The following AKAP7 variants were observed in gnomAD, a reference collection of about 807,000 sequenced individuals.
AKAP7 encodes A kinase (PRKA) anchor protein 7.
Under a neutral mutation model 39.5 loss-of-function variants are expected in AKAP7, and 39 were observed. That is an observed-to-expected ratio of 0.99 (90% CI 0.76 to 1.29). The LOEUF (loss-of-function observed/expected upper bound fraction) is 1.29, where lower values mean the gene tolerates loss of function less well. Among genes scored for constraint, AKAP7 ranks in the 50% most tolerant of loss-of-function variants. AKAP7 has a pLI of 0.00. For missense variants in AKAP7, 414 were observed against 407.7 expected, an observed-to-expected ratio of 1.02 and a Z score of -0.13; for synonymous variants, 140 against 139.1, an observed-to-expected ratio of 1.01 and a Z score of -0.05.
chr6:131,275,146 A>G (rs954448776), intron 7 of AKAP7, among the ~76,000 whole-genome samples: 1 of 152,210 alleles, frequency 6.6e-6, no homozygotes, highest in Non-Finnish European at 1.5e-5. Context: ...ATAAACAAAT[A>G]ATTGGCATTT....
chr6:131,183,736 A>G lies in AKAP7; in HGVS notation c.589+14463A>G, dbSNP rs574987651. Among the ~76,000 whole-genome samples the G allele has an allele frequency of 8.9e-4, 136 of 152,224 alleles. 1 individual carries two copies. Among genetic ancestry groups the G allele is most frequent in the African/African-American group, 3.1e-3 (129 of 41,540 alleles). ...TGGACTGGGACAGGGCAGAGCCAGG[A>G]GGGTGACCGAGAACATCCTGACTCC... On this transcript the variant is annotated intron_variant, in intron 5 of 7. Coordinates refer to ENST00000431975, the MANE Select transcript of AKAP7 (RefSeq NM_016377.4).
At chr6:131,167,914 G>A (rs1047006367) in intron 4 of AKAP7, among the ~76,000 whole-genome samples, 2 of 152,110 alleles carry the variant, frequency 1.3e-5, no homozygotes, top group African/African-American at 2.4e-5. Flanking sequence ...TAAACGAATA[G>A]CAATCCACTG....
intron 5 of AKAP7, among the ~76,000 whole-genome samples, chr6:131,169,897 A>C (rs1218849987): frequency 6.6e-6 from 1 of 151,630 alleles, no homozygotes; most frequent in Non-Finnish European, 1.5e-5. Context: ...ACACACTTGC[A>C]TTATTGGTCT....
chr6:131,271,447 TC>T (rs1265202877), intron 7 of AKAP7, among the ~76,000 whole-genome samples: 2 of 152,310 alleles, frequency 1.3e-5, no homozygotes, highest in South Asian at 4.1e-4. Flanking sequence ...TGTCTCTCTT[TC>T]TGTAGCTTCA....
chr6:131,184,382 C>T (rs2128261051), intron 5 of AKAP7: 1 of 663,912 alleles, frequency 1.5e-6, no homozygotes. Context: ...GGTCCAGACA[C>T]AGGTGGCACC....
At chr6:131,143,868 G>C (rs1801260145) in intron 1 of AKAP7, among the ~76,000 whole-genome samples, 1 of 143,830 alleles carries the variant, frequency 7.0e-6, no homozygotes, top group Non-Finnish European at 1.5e-5. Flanking sequence ...ATAAACAAGT[G>C]AACAAAGGTC....
At chr6:131,224,970 T>G (rs1810040920) in intron 7 of AKAP7, among the ~76,000 whole-genome samples, 1 of 151,980 alleles carries the variant, frequency 6.6e-6, no homozygotes, top group Non-Finnish European at 1.5e-5. Flanking sequence ...TTGGCCAGGC[T>G]GGTATCGAAC....
rs34712760 is a variant in AKAP7, at chr6:131,182,125, GA to G, written c.589+12862del. ...TGGGTGACAGAGCAAGAGTCCGTCTGAAAAAAAAAATAATTTTTAACTATAG... is the reference window on the plus strand; with the variant it reads ...TGGGTGACAGAGCAAGAGTCCGTCTGAAAAAAAAATAATTTTTAACTATAG... On this transcript the variant is annotated intron_variant, in intron 5 of 7. Coordinates refer to ENST00000431975, the MANE Select transcript of AKAP7 (RefSeq NM_016377.4). Among the ~76,000 whole-genome samples, 344 of 149,146 alleles carry G rather than the reference GA, an allele frequency of 2.3e-3. 1 individual carries two copies. Among genetic ancestry groups the G allele is most frequent in the East Asian group, 0.015 (77 of 5,056 alleles).
chr6:131,228,898 C>T (rs987787442), intron 7 of AKAP7, among the ~76,000 whole-genome samples: 8 of 152,122 alleles, frequency 5.3e-5, no homozygotes, highest in Non-Finnish European at 1.2e-4. Context: ...GGCAGTTTCA[C>T]GTAAGAATGT....
chr6:131,281,843 A>C lies in AKAP7; in HGVS notation c.*117A>C. The C allele has an allele frequency of 5.2e-6, 7 of 1,340,554 alleles. No individual in the cohort carries two copies. The highest frequency in any genetic ancestry group is 6.7e-6 in the Non-Finnish European group (7 of 1,040,706). 83.0% of individuals were successfully genotyped at this position (1,340,554 alleles called of 1,614,324 possible). A position where few individuals can be genotyped will look rare whatever the true frequency, so the allele number is the denominator to read the frequency against. On this transcript the variant is annotated 3_prime_UTR_variant, in exon 8 of 8. Transcript: ENST00000431975. This position sits in a 1 kb window ranked among gnomAD's most constrained non-coding sequence, Gnocchi z 4.0. ...TAAGTTTCTCTGGTGCAATCTGTGA[A>C]GATTGCCTAATACTTTTCATGATCG...
intron 3 of AKAP7, chr6:131,164,668 T>C (rs1036527652): frequency 3.2e-6 from 1 of 315,940 alleles, no homozygotes; most frequent in African/African-American, 2.2e-5. Flanking sequence ...AATGGAATGT[T>C]GTCTGCTGGC....
chr6:131,215,474 C>G (rs1258070435), intron 6 of AKAP7, among the ~76,000 whole-genome samples: 1 of 152,218 alleles, frequency 6.6e-6, no homozygotes, highest in Non-Finnish European at 1.5e-5. Flanking sequence ...TGAGCCTCCT[C>G]CTGACTCAGA....
Position 131,281,798 on chromosome 6 carries a change from T to A in AKAP7, c.*72T>A. On this transcript the variant is annotated 3_prime_UTR_variant, in exon 8 of 8. Coordinates refer to ENST00000431975, the MANE Select transcript of AKAP7 (RefSeq NM_016377.4). This position sits in a 1 kb window ranked among gnomAD's most constrained non-coding sequence, Gnocchi z 4.0. ...CCCTCTGCTGAGTCTAGGGACTGAC[T>A]TGCAGCGTGCTGTTTAAGTTAAGTT... The A allele has an allele frequency of 2.8e-6, 4 of 1,411,014 alleles. No individual in the cohort carries two copies. The highest frequency in any genetic ancestry group is 3.7e-6 in the Non-Finnish European group (4 of 1,078,084). 87.4% of individuals were successfully genotyped at this position (1,411,014 alleles called of 1,614,324 possible). A position where few individuals can be genotyped will look rare whatever the true frequency, so the allele number is the denominator to read the frequency against.
At chr6:131,149,494 G>A (rs970144756) in intron 2 of AKAP7, among the ~76,000 whole-genome samples, 1 of 152,174 alleles carries the variant, frequency 6.6e-6, no homozygotes, top group African/African-American at 2.4e-5. Context: ...AATTAGCGGG[G>A]CATGGTGGCA....
At chr6:131,269,282 C>T (rs773016467) in intron 7 of AKAP7, among the ~76,000 whole-genome samples, 1 of 152,128 alleles carries the variant, frequency 6.6e-6, no homozygotes, top group Non-Finnish European at 1.5e-5. Context: ...AGGCTGCTCT[C>T]GAACTCCTGA....
At chr6:131,147,358 T>G (rs1254140296) in intron 2 of AKAP7, among the ~76,000 whole-genome samples, 1 of 152,174 alleles carries the variant, frequency 6.6e-6, no homozygotes, top group Non-Finnish European at 1.5e-5. Flanking sequence ...TTAAAACGAT[T>G]AAGTCTTTGG....
At chr6:131,256,973 AAT>A (rs1812919007) in intron 7 of AKAP7, among the ~76,000 whole-genome samples, 1 of 152,108 alleles carries the variant, frequency 6.6e-6, no homozygotes, top group Non-Finnish European at 1.5e-5. Flanking sequence ...CAAAATTCTC[AAT>A]GTCTATATGG....
intron 2 of AKAP7, among the ~76,000 whole-genome samples, chr6:131,151,775 A>G (rs1476874609): frequency 6.6e-6 from 1 of 152,200 alleles, no homozygotes. Flanking sequence ...AATATAGAAG[A>G]TAGTGTTCTA....
intron 2 of AKAP7, among the ~76,000 whole-genome samples, chr6:131,154,977 T>C (rs1802292003): frequency 6.6e-6 from 1 of 151,804 alleles, no homozygotes; most frequent in Admixed American, 6.6e-5. Flanking sequence ...TCAAGAGGCT[T>C]AATTAAGTTT....
Sources: allele counts gnomAD v4.1 joint callset (sites outside exome capture counted in the v4.1 genomes callset), GRCh38; gene constraint gnomAD v4.1.1; non-coding constraint Gnocchi (gnomAD v3.1); transcripts MANE v1.5; gene names NCBI Gene and HGNC (gene_info 2026-07-23, HGNC 2026-07-21).